Variants in LCT observed in about 807,000 individuals in gnomAD.
The protein encoded by LCT is lactase, also known as lactase/phlorizin hydrolase.
Under a neutral mutation model 173.0 loss-of-function variants are expected in LCT, and 90 were observed. That is an observed-to-expected ratio of 0.52 (90% CI 0.44 to 0.62). The LOEUF is 0.62. LCT is among the 20% of genes least tolerant of loss of function. LCT has a pLI of 0.00. For synonymous variants in LCT, 853 were observed against 957.6 expected, an observed-to-expected ratio of 0.89 and a Z score of 2.02; for missense variants, 1,864 against 2,431.4, an observed-to-expected ratio of 0.77 and a Z score of 4.91.
chr2:135,831,315 T>C (rs1303491451), intron 2 of LCT, among the ~76,000 whole-genome samples: 1 of 151,908 alleles, frequency 6.6e-6, no homozygotes, highest in African/African-American at 2.4e-5. Flanking sequence ...GGACGTCCAG[T>C]AGGGGATGCA....
At chr2:135,806,161 A>AT (rs1194113638) in intron 9 of LCT, among the ~76,000 whole-genome samples, 2 of 151,872 alleles carry the variant, frequency 1.3e-5, no homozygotes, top group East Asian at 1.9e-4. Context: ...AATTTTTTTG[A>AT]TTTTTTTATA....
rs1473078465 is a variant in LCT at position 135,837,085 on chromosome 2, T to G, written c.85A>C (p.Ile29Leu). 6.2e-7 allele frequency: 1 copy of G among 1,613,806 alleles called. No individual in the cohort carries two copies. Among genetic ancestry groups the G allele is most frequent in the Non-Finnish European group, 8.5e-7 (1 of 1,179,990 alleles). The part of the protein sequence containing the change: ...GSDWESDRNF[I>L]STAGPLTNDL... ...TTGGTTAGAGGACCAGCGGTGGAAATGAAATTTCTATCAGACTCCCAGTCT... is the reference window on the plus strand; with the variant it reads ...TTGGTTAGAGGACCAGCGGTGGAAAGGAAATTTCTATCAGACTCCCAGTCT... The change falls in exon 1 of 17, where the codon ATT becomes CTT. Residue 29 changes from isoleucine (I) to leucine (L), a missense_variant. Around this residue, in one of 4 missense-constraint regions of LCT, gnomAD observed 412 missense variants for 462.0 expected, o/e 0.89. Transcript: ENST00000264162.
rs779490623 is a variant in LCT at position 135,794,700 on chromosome 2, G to GT, written c.5051_5052insA (p.Thr1685HisfsTer17). The GT allele has an allele frequency of 6.2e-7, 1 of 1,614,044 alleles. No homozygotes were observed. The highest frequency in any genetic ancestry group is 1.1e-5 in the South Asian group (1 of 91,082). On this transcript the variant is annotated frameshift_variant, in exon 14 of 17. Coordinates refer to ENST00000264162, the MANE Select transcript of LCT (RefSeq NM_002299.4). LOFTEE classifies it high-confidence loss of function. ...AGTTGAGGTTGTAGGCGAGGACAGT[G>GT]GTGTAGTGATTGAACCCAAAAAAGT...
intron 13 of LCT, among the ~76,000 whole-genome samples, chr2:135,796,907 T>C (rs80116247): frequency 0.018 from 2,748 of 151,342 alleles, 42 homozygotes; most frequent in Non-Finnish European, 0.024. Context: ...TTACCCTAAC[T>C]AGGCCAGGGT....
At chr2:135,830,019 G>T (rs1255680749) in intron 2 of LCT, among the ~76,000 whole-genome samples, 1 of 152,224 alleles carries the variant, frequency 6.6e-6, no homozygotes, top group Non-Finnish European at 1.5e-5. Context: ...TTAGAGGCCA[G>T]TGCTGCCCCT....
chr2:135,812,585 G>T lies in LCT; in HGVS notation c.2079C>A (p.Asn693Lys). 1 of 1,613,186 alleles carries T rather than the reference G, an allele frequency of 6.2e-7. No homozygotes were observed. Among genetic ancestry groups the T allele is most frequent in the South Asian group, 1.1e-5 (1 of 91,062 alleles). ...TAGGGATGCAGGTGTTTTGTGGGGC[G>T]TTGCTGATGAGGCGGGAGGTGTAAT... ...LSHYTSRLIS[N>K]APQNTCIPSY... Residue 693 changes from asparagine (N) to lysine (K), a missense_variant, in exon 7 of 17, where the codon AAC becomes AAA. Around this residue, in one of 4 missense-constraint regions of LCT, gnomAD observed 755 missense variants for 926.3 expected, o/e 0.82. Coordinates refer to ENST00000264162, the MANE Select transcript of LCT (RefSeq NM_002299.4).
intron 7 of LCT, among the ~76,000 whole-genome samples, chr2:135,811,698 T>C (rs950402472): frequency 8.7e-5 from 12 of 138,146 alleles, no homozygotes; most frequent in Admixed American, 1.4e-4. Flanking sequence ...AAGACCCTGA[T>C]TCTAAAAAAA....
At chr2:135,794,019 A>G (rs1235880827) in intron 14 of LCT, among the ~76,000 whole-genome samples, 1 of 151,470 alleles carries the variant, frequency 6.6e-6, no homozygotes, top group Admixed American at 6.6e-5. Flanking sequence ...ACGCGCCTGT[A>G]ATCCCAGCTA....
intron 5 of LCT, among the ~76,000 whole-genome samples, chr2:135,819,443 G>A (rs753918257): frequency 1.3e-5 from 2 of 152,132 alleles, no homozygotes; most frequent in South Asian, 2.1e-4. Flanking sequence ...GGAAAAGGAC[G>A]TGGAGTACAA....
intron 3 of LCT, 35 bp from the exon 4 acceptor site, chr2:135,824,038 C>T: frequency 7.3e-7 from 1 of 1,378,640 alleles, no homozygotes; most frequent in Non-Finnish European, 1.0e-6. Flanking sequence ...TGAACTGAAG[C>T]CTCCTGGAAA....
intron 12 of LCT, among the ~76,000 whole-genome samples, chr2:135,798,902 A>G (rs1287509133): frequency 6.6e-6 from 1 of 152,116 alleles, no homozygotes; most frequent in African/African-American, 2.4e-5. Context: ...AACACACTAG[A>G]TATTTTCGTG....
chr2:135,799,228 G>A (rs1363358207), intron 12 of LCT, among the ~76,000 whole-genome samples: 1 of 152,088 alleles, frequency 6.6e-6, no homozygotes, highest in African/African-American at 2.4e-5. Context: ...AAGGCCCATG[G>A]TGTTTCCCCC....
At chr2:135,808,006 C>T (rs1441269664) in intron 8 of LCT, among the ~76,000 whole-genome samples, 1 of 151,704 alleles carries the variant, frequency 6.6e-6, no homozygotes, top group Non-Finnish European at 1.5e-5. Context: ...GGCCACTGCA[C>T]TCCAGCCTGG....
chr2:135,831,062 C>T (rs1436058769), intron 2 of LCT, among the ~76,000 whole-genome samples: 1 of 152,154 alleles, frequency 6.6e-6, no homozygotes, highest in Non-Finnish European at 1.5e-5. Context: ...AGGTGGGTCC[C>T]ACCACATTAA....
intron 6 of LCT, among the ~76,000 whole-genome samples, chr2:135,816,024 G>T (rs2077778997): frequency 6.6e-6 from 1 of 152,116 alleles, no homozygotes. Flanking sequence ...TTTAAGAATG[G>T]AACCCAAACA....
chr2:135,809,277 G>A lies in LCT; in HGVS notation c.3070C>T (p.Pro1024Ser). Reference protein sequence around the residue: ...PMVTLFHWDLPQALQDIGGWE... With the variant: ...PMVTLFHWDLSQALQDIGGWE... The stretch of plus-strand genomic sequence containing the variant: ...CCTCCGATATCCTGGAGGGCCTGGG[G>A]CAGGTCCCAATGGAACAATGTCACC... Residue 1024 changes from proline to serine, a missense_variant, in exon 8 of 17, where the codon CCC (proline) becomes TCC (serine). Around this residue, in one of 4 missense-constraint regions of LCT, gnomAD observed 755 missense variants for 926.3 expected, o/e 0.82. Coordinates refer to ENST00000264162, the MANE Select transcript of LCT (RefSeq NM_002299.4). This position sits in a 1 kb window ranked among gnomAD's most constrained non-coding sequence, Gnocchi z 5.5. The A allele has an allele frequency of 1.2e-6, 2 of 1,614,146 alleles. No individual in the cohort carries two copies. The highest frequency in any genetic ancestry group is 1.3e-5 in the African/African-American group (1 of 75,068).
chr2:135,798,034 C>A lies in LCT; in HGVS notation c.4971G>T (p.Lys1657Asn), dbSNP rs373257136. The A allele has an allele frequency of 1.9e-6, 3 of 1,595,514 alleles. No individual in the cohort carries two copies. The African/African-American group carries it at 4.0e-5, about 21-fold the overall frequency. The change falls in exon 13 of 17, where the codon AAG becomes AAT. Residue 1657 changes from lysine (K) to asparagine (N), a missense_variant. Transcript: ENST00000264162. The stretch of plus-strand genomic sequence containing the variant: ...TGCGGGCACCAGGCCCTTACCGAGA[C>A]TTGTTGAGGCCTGCAGCCAAGCTCC... Reference protein sequence around the residue: ...RDRSLAAGLNKSRLPEFTESE... With the variant: ...RDRSLAAGLNNSRLPEFTESE...
rs1436920442 is a variant in LCT, at chr2:135,837,177, G to C, written c.-8C>G. 1 of 1,610,964 alleles carries C rather than the reference G, an allele frequency of 6.2e-7. No individual in the cohort carries two copies. Among genetic ancestry groups the C allele is most frequent in the Non-Finnish European group, 8.5e-7 (1 of 1,179,766 alleles). ...ATGCCAAGACAGCTCCATTTTCTAG[G>C]AACTGTTAGGAGGTATGTGGAACCC... On this transcript the variant is annotated 5_prime_UTR_variant, in exon 1 of 17. Transcript: ENST00000264162.
At chr2:135,788,627 C>T (rs898868809) in intron 16 of LCT, 83 bp from the exon 17 acceptor site, 14 of 896,554 alleles carry the variant, frequency 1.6e-5, no homozygotes, top group South Asian at 3.9e-5. Context: ...AGAGGCTGCA[C>T]GGTACCCCAA....
Sources: gnomAD v4.1 joint callset for allele counts (sites outside exome capture counted in the v4.1 genomes callset) on GRCh38, gnomAD v4.1.1 for gene constraint, gnomAD v4.1.1 regional missense constraint, Gnocchi (gnomAD v3.1) non-coding constraint, MANE v1.5 for transcripts, NCBI Gene and HGNC (gene_info 2026-07-23, HGNC 2026-07-21) for gene names.